The following CYP4A11 variants were observed in gnomAD, a reference collection of about 807,000 sequenced individuals.
The protein encoded by CYP4A11 is cytochrome P450 4A11.
In CYP4A11, 52 loss-of-function variants were observed where a neutral mutation model predicts 57.7. The ratio of observed to expected loss-of-function variants is 0.90; its 90% CI spans 0.72 to 1.14. The LOEUF (loss-of-function observed/expected upper bound fraction) is 1.14, where lower values mean the gene tolerates loss of function less well. Ranked by LOEUF, CYP4A11 falls within the 50% of genes most tolerant of loss-of-function variation. The pLI, the probability that CYP4A11 is intolerant of heterozygous loss-of-function variation, is 0.00. For synonymous variants in CYP4A11, 228 were observed against 247.1 expected (o/e 0.92, Z 0.72); for missense variants, 641 against 642.1 (o/e 1.00, Z 0.02).
At position 46,932,823 on chromosome 1, in the gene CYP4A11, GA is replaced by G; in HGVS notation, c.1301del (p.Phe434SerfsTer31). The G allele has an allele frequency of 1.9e-6, 3 of 1,614,194 alleles. No homozygotes were observed. Among genetic ancestry groups the G allele is most frequent in the Non-Finnish European group, 1.7e-6 (2 of 1,180,034 alleles). On this transcript the variant is annotated frameshift_variant, in exon 11 of 12. Coordinates refer to ENST00000310638, the MANE Select transcript of CYP4A11 (RefSeq NM_000778.4). LOFTEE classifies it high-confidence loss of function. ...GTTGAGCAGAACCCGGTGCAAAACGGAAAGGGTCAAACACCTGCAGAGAGAG... is the reference window on the plus strand; with the variant it reads ...GTTGAGCAGAACCCGGTGCAAAACGGAAGGGTCAAACACCTGCAGAGAGAG... The part of the protein sequence containing the change: ...VWPNPEVFDP[F>X]RFAPGSAQHS...
chr1:46,933,896 C>G, intron 9 of CYP4A11, 50 bp downstream of exon 9: 2 of 1,607,942 alleles, frequency 1.2e-6, no homozygotes, highest in Middle Eastern at 3.3e-4. Flanking sequence ...TTCTCACCCT[C>G]CACACGTCCC....
chr1:46,936,542 C>G, intron 4 of CYP4A11, 122 bp downstream of exon 4: 1 of 1,398,756 alleles, frequency 7.1e-7, no homozygotes, highest in Non-Finnish European at 9.4e-7. Context: ...CAGCAATGAC[C>G]TGAGAGTGTT....
chr1:46,930,822 T>A (rs1230768846), intron 11 of CYP4A11, among the ~76,000 whole-genome samples: 4 of 152,114 alleles, frequency 2.6e-5, no homozygotes, highest in Non-Finnish European at 5.9e-5. Context: ...GGAGGCTTCC[T>A]GGAGGAGAAC....
intron 1 of CYP4A11, 116 bp from the exon 2 acceptor site, chr1:46,938,253 T>C: frequency 7.0e-7 from 1 of 1,420,522 alleles, no homozygotes. Context: ...TTAGATCTGT[T>C]TCTGATGACC....
chr1:46,930,772 G>T lies in CYP4A11; in HGVS notation c.1365-462C>A, dbSNP rs956917410. Among the ~76,000 whole-genome samples the T allele has an allele frequency of 1.3e-5, 2 of 152,194 alleles. 1 individual carries two copies. The highest frequency in any genetic ancestry group is 4.1e-4 in the South Asian group (2 of 4,824). On this transcript the variant is annotated intron_variant, in intron 11 of 11. Coordinates refer to ENST00000310638, the MANE Select transcript of CYP4A11 (RefSeq NM_000778.4). Reference sequence around the variant, plus strand: ...CACACAGGGACCTGAATCCTCATAGGGGCCCCGATGGGTGTATTAAGGGAG... The same window carrying T: ...CACACAGGGACCTGAATCCTCATAGTGGCCCCGATGGGTGTATTAAGGGAG...
intron 10 of CYP4A11, 44 bp downstream of exon 10, chr1:46,932,939 G>A: frequency 1.2e-6 from 2 of 1,614,164 alleles, no homozygotes; most frequent in East Asian, 2.2e-5. Context: ...GAAGGTATTG[G>A]TCTTGAGGGA....
At chr1:46,930,993 G>T (rs1680991280) in intron 11 of CYP4A11, among the ~76,000 whole-genome samples, 1 of 152,026 alleles carries the variant, frequency 6.6e-6, no homozygotes. Flanking sequence ...GGACTTTATG[G>T]TTTTCTGCTT....
At chr1:46,931,744 C>G in intron 11 of CYP4A11, 1 of 658,014 alleles carries the variant, frequency 1.5e-6, no homozygotes, top group Non-Finnish European at 1.9e-6. Flanking sequence ...AAAGCCTGTT[C>G]TGTGTAAGTG....
At chr1:46,938,501 A>T (rs1446713345) in intron 1 of CYP4A11, among the ~76,000 whole-genome samples, 1 of 152,272 alleles carries the variant, frequency 6.6e-6, no homozygotes, top group African/African-American at 2.4e-5. Context: ...GAATTAATGT[A>T]AACATTTTAA....
At chr1:46,933,099 C>T (rs766957824) in intron 9 of CYP4A11, 52 bp from the exon 10 acceptor site, 5 of 1,603,532 alleles carry the variant, frequency 3.1e-6, no homozygotes. Context: ...CATGGGGTGG[C>T]CTGGTACTTC....
At chr1:46,934,832 A>G (rs1198029576) in intron 6 of CYP4A11, among the ~76,000 whole-genome samples, 168 bp downstream of exon 6, 1 of 152,196 alleles carries the variant, frequency 6.6e-6, no homozygotes, top group African/African-American at 2.4e-5. Context: ...AAGGCACAGA[A>G]TCTGGCCCCT....
chr1:46,932,956 C>T (rs1243393763), intron 10 of CYP4A11, 27 bp downstream of exon 10: 1 of 1,614,140 alleles, frequency 6.2e-7, no homozygotes, highest in South Asian at 1.1e-5. Flanking sequence ...GGGATCACCT[C>T]ATTTCCTCCT....
At chr1:46,932,899 G>C (rs891829526) in intron 10 of CYP4A11, 62 bp from the exon 11 acceptor site, 1 of 1,613,956 alleles carries the variant, frequency 6.2e-7, no homozygotes, top group Non-Finnish European at 8.5e-7. Flanking sequence ...CCACCCATGG[G>C]GGACAGGACT....
In CYP4A11 at chr1:46,941,253, C is replaced by T. The variant is rs370538155; in HGVS notation, c.181G>A (p.Gly61Arg). 45 of 1,613,202 alleles carry T rather than the reference C, an allele frequency of 2.8e-5. No homozygotes were observed. The African/African-American group carries it at 3.1e-4, about 11-fold the overall frequency. ...TTCCTCCCTACCTCCTGGATGTGCC[C>T]GAAGAGCCAGTGGGAGGGAGGGCAC... ...FPCPPSHWLF[G>R]HIQELQQDQE... is the part of the protein sequence containing the mutation. The change falls in exon 1 of 12, where the codon GGG becomes AGG. Residue 61 changes from glycine (G) to arginine (R), a missense_variant. Transcript: ENST00000310638.
At chr1:46,933,819 T>G in intron 9 of CYP4A11, 127 bp downstream of exon 9, 1 of 1,416,426 alleles carries the variant, frequency 7.1e-7, no homozygotes, top group Non-Finnish European at 9.4e-7. Context: ...GTACAAAGTA[T>G]GTTTTTGATT....
chr1:46,935,793 A>T, intron 4 of CYP4A11, 146 bp from the exon 5 acceptor site: 2 of 1,483,608 alleles, frequency 1.3e-6, no homozygotes, highest in Admixed American at 2.4e-5. Flanking sequence ...TACAGAGCAG[A>T]TGCATTGTAG....
At chr1:46,940,633 A>G (rs1276808254) in intron 1 of CYP4A11, 5 of 982,302 alleles carry the variant, frequency 5.1e-6, no homozygotes, top group African/African-American at 1.7e-5. Context: ...AGGTTTTCAG[A>G]TCCTAAATCA....
rs756993562 is a variant in CYP4A11, at chr1:46,933,047, C to A, written c.1223G>T (p.Gly408Val). The change falls in exon 10 of 12, where the codon GGT becomes GTT. Residue 408 changes from glycine to valine, a missense_variant and splice_region_variant. By Grantham distance (109) the Gly-to-Val change is moderately radical (BLOSUM62 -3). Transcript: ENST00000310638. ...TFPDGRSLPK[G>V]IMVLLSIYGL... is the part of the protein sequence containing the mutation. ...ATAAATGGAGAGGAGGACCATGATACCTGTGGTGCAGGTTGGAAACAGAGA... is the reference window on the plus strand; with the variant it reads ...ATAAATGGAGAGGAGGACCATGATAACTGTGGTGCAGGTTGGAAACAGAGA... 5 of 1,614,112 alleles carry A rather than the reference C, an allele frequency of 3.1e-6. No individual in the cohort carries two copies. Among genetic ancestry groups the A allele is most frequent in the Admixed American group, 3.3e-5 (2 of 60,018 alleles).
chr1:46,936,890 G>A, intron 3 of CYP4A11, 99 bp from the exon 4 acceptor site: 1 of 1,478,608 alleles, frequency 6.8e-7, no homozygotes, highest in Non-Finnish European at 9.0e-7. Context: ...ATTTGGGAGG[G>A]AGAAAGGTGG....
Sources: allele counts gnomAD v4.1 joint callset (sites outside exome capture counted in the v4.1 genomes callset), GRCh38; gene constraint gnomAD v4.1.1; transcripts MANE v1.5; gene names NCBI Gene and HGNC (gene_info 2026-07-23, HGNC 2026-07-21).